Variants in ETV6 observed in about 807,000 individuals in gnomAD.
The protein encoded by ETV6 is transcription factor ETV6.
Under a neutral mutation model 51.1 loss-of-function variants are expected in ETV6, and 16 were observed. That is an observed-to-expected ratio of 0.31 (90% CI 0.21 to 0.48). The LOEUF (loss-of-function observed/expected upper bound fraction) is 0.48, where lower values mean the gene tolerates loss of function less well. Ranked by LOEUF, ETV6 falls within the 20% of genes least tolerant of loss-of-function variation. ETV6 has a pLI of 0.99. For missense variants in ETV6, 458 were observed against 594.8 expected, an observed-to-expected ratio of 0.77 and a Z score of 2.39; for synonymous variants, 240 against 224.1, an observed-to-expected ratio of 1.07 and a Z score of -0.64.
chr12:11,774,531 T>G (rs540729351), intron 2 of ETV6, among the ~76,000 whole-genome samples: 2 of 152,216 alleles, frequency 1.3e-5, no homozygotes, highest in South Asian at 2.1e-4. Context: ...GAGCTATACC[T>G]TAGTGTCTGT....
intron 1 of ETV6, among the ~76,000 whole-genome samples, chr12:11,656,770 G>C (rs1864007024): frequency 6.6e-6 from 1 of 151,980 alleles, no homozygotes; most frequent in Non-Finnish European, 1.5e-5. Context: ...CCTCGGGCTA[G>C]ACACCTTCTT....
At chr12:11,864,595 A>T (rs1408600651) in intron 4 of ETV6, among the ~76,000 whole-genome samples, 1 of 152,216 alleles carries the variant, frequency 6.6e-6, no homozygotes, top group African/African-American at 2.4e-5. Context: ...CAGAATTGAC[A>T]TCCATATTAT....
intron 1 of ETV6, chr12:11,750,752 A>G: frequency 2.2e-6 from 1 of 455,466 alleles, no homozygotes; most frequent in Non-Finnish European, 4.2e-6. Context: ...CTCACCTTTA[A>G]AAACCTCTGA....
intron 1 of ETV6, among the ~76,000 whole-genome samples, chr12:11,708,131 C>T (rs371048056): frequency 6.6e-6 from 1 of 151,960 alleles, no homozygotes; most frequent in Non-Finnish European, 1.5e-5. Context: ...TTGTTTCCAA[C>T]AGGAGAGAGT....
intron 5 of ETV6, among the ~76,000 whole-genome samples, chr12:11,883,568 T>G (rs988995250): frequency 1.3e-5 from 2 of 152,064 alleles, no homozygotes; most frequent in African/African-American, 4.8e-5. Context: ...GTGCTGGGAT[T>G]ACAGGCGTGA....
At chr12:11,840,598 C>A in intron 3 of ETV6, 1 of 443,254 alleles carries the variant, frequency 2.3e-6, no homozygotes, top group Non-Finnish European at 4.6e-6. Flanking sequence ...AGGAAACGTC[C>A]CTCATTACAG....
At chr12:11,844,702 G>C (rs1341200789) in intron 3 of ETV6, among the ~76,000 whole-genome samples, 1 of 150,308 alleles carries the variant, frequency 6.7e-6, no homozygotes, top group Non-Finnish European at 1.5e-5. Flanking sequence ...TAGCAGGCAT[G>C]ACCCTTGTCT....
In ETV6 at chr12:11,838,447, C is replaced by T. The variant is rs566076013; in HGVS notation, c.164-693C>T. 2.6e-5 allele frequency among the ~76,000 whole-genome samples: 4 copies of T among 152,288 alleles called. 1 individual carries two copies. The highest frequency in any genetic ancestry group is 9.6e-5 in the African/African-American group (4 of 41,554). On this transcript the variant is annotated intron_variant, in intron 2 of 7. Transcript: ENST00000396373. The stretch of plus-strand genomic sequence containing the variant: ...CCCCCTCCTGCCCACTTGGTTCCTA[C>T]TCAGAGTTCAAGTACCACCCCACCA...
At chr12:11,889,963 G>A (rs1363958449) in intron 7 of ETV6, among the ~76,000 whole-genome samples, 2 of 149,802 alleles carry the variant, frequency 1.3e-5, no homozygotes, top group East Asian at 1.9e-4. Context: ...GCCTTCCTGA[G>A]CCATGTAAAT....
chr12:11,669,395 T>TCCCTCCCTCCCTCCCTCCCTCCCTCCC (rs1408869777), intron 1 of ETV6, among the ~76,000 whole-genome samples: 2 of 27,048 alleles, frequency 7.4e-5, no homozygotes, highest in East Asian at 7.5e-4. Flanking sequence ...CCCTCCCTCC[T>TCCCTCCCTCCCTCCCTCCCTCCCTCCC]TTCCTCCTTT....
intron 1 of ETV6, among the ~76,000 whole-genome samples, chr12:11,657,995 G>C (rs1316629610): frequency 6.6e-6 from 1 of 152,200 alleles, no homozygotes; most frequent in East Asian, 1.9e-4. Context: ...TCCTGAACTT[G>C]AACTTGTTCA....
intron 2 of ETV6, among the ~76,000 whole-genome samples, chr12:11,809,759 A>G (rs965230090): frequency 6.6e-6 from 1 of 151,582 alleles, no homozygotes; most frequent in African/African-American, 2.4e-5. Flanking sequence ...TGCCCACCAT[A>G]AAACCTTCAT....
intron 2 of ETV6, among the ~76,000 whole-genome samples, chr12:11,828,504 T>G (rs1946193901): frequency 1.3e-5 from 2 of 152,218 alleles, no homozygotes; most frequent in African/African-American, 2.4e-5. Context: ...AAACCTGATT[T>G]GGTTTTCGCA....
Position 11,677,860 on chromosome 12 carries a change from C to G in ETV6, c.33+27700C>G, listed in dbSNP as rs1864451128. On this transcript the variant is annotated intron_variant, in intron 1 of 7. Transcript: ENST00000396373. ...TTTGTAAAATTCACTTGACATACAC[C>G]TGCTCATCCTTGACATCTCCCAGTG... Among the ~76,000 whole-genome samples, 7 of 152,222 alleles carry G rather than the reference C, an allele frequency of 4.6e-5. No individual in the cohort carries two copies. The South Asian group carries it at 1.4e-3, about 32-fold the overall frequency.
At chr12:11,839,948 C>A (rs901716421) in intron 3 of ETV6, among the ~76,000 whole-genome samples, 1 of 152,106 alleles carries the variant, frequency 6.6e-6, no homozygotes, top group Non-Finnish European at 1.5e-5. Context: ...TGAATGCAGG[C>A]TGTGAACTGC....
At chr12:11,710,710 T>C (rs898633339) in intron 1 of ETV6, among the ~76,000 whole-genome samples, 2 of 152,244 alleles carry the variant, frequency 1.3e-5, no homozygotes, top group African/African-American at 4.8e-5. Flanking sequence ...TTTTTGGAGC[T>C]GATGCAGGCT....
At chr12:11,811,714 T>C (rs1158626881) in intron 2 of ETV6, among the ~76,000 whole-genome samples, 1 of 152,064 alleles carries the variant, frequency 6.6e-6, no homozygotes, top group Non-Finnish European at 1.5e-5. Flanking sequence ...CCTGCTAAGG[T>C]CCAGCACTTT....
At chr12:11,785,274 C>T (rs908492966) in intron 2 of ETV6, among the ~76,000 whole-genome samples, 2 of 152,076 alleles carry the variant, frequency 1.3e-5, no homozygotes, top group South Asian at 4.1e-4. Flanking sequence ...GCTCTTCTAC[C>T]AAATATATAC....
intron 1 of ETV6, among the ~76,000 whole-genome samples, chr12:11,673,331 A>G (rs1191676023): frequency 6.6e-6 from 1 of 152,164 alleles, no homozygotes; most frequent in Non-Finnish European, 1.5e-5. Flanking sequence ...GAAAATCTGG[A>G]TGACTATTGA....
Sources: gnomAD v4.1 joint callset for allele counts (sites outside exome capture counted in the v4.1 genomes callset) on GRCh38, gnomAD v4.1.1 for gene constraint, MANE v1.5 for transcripts, NCBI Gene and HGNC (gene_info 2026-07-23, HGNC 2026-07-21) for gene names.